Variants in STK17A observed in about 807,000 individuals in gnomAD.
STK17A encodes the protein serine/threonine-protein kinase 17A.
STK17A carries 26 observed loss-of-function variants against 43.7 expected under a neutral mutation model. That is an observed-to-expected ratio of 0.60 (90% CI 0.44 to 0.83). The LOEUF (loss-of-function observed/expected upper bound fraction) is 0.83. Ranked by LOEUF, STK17A falls within the 40% of genes least tolerant of loss-of-function variation. The pLI, the probability that STK17A is intolerant of heterozygous loss-of-function variation, is 0.00. For synonymous variants in STK17A, 191 were observed against 182.5 expected, an observed-to-expected ratio of 1.05 and a Z score of -0.38; for missense variants, 476 against 511.6, an observed-to-expected ratio of 0.93 and a Z score of 0.67.
At chr7:43,587,073 A>T (rs541253472) in intron 1 of STK17A, among the ~76,000 whole-genome samples, 1 of 151,480 alleles carries the variant, frequency 6.6e-6, no homozygotes, top group Non-Finnish European at 1.5e-5. Context: ...ATGTTTTTCA[A>T]AGAATAATTT....
chr7:43,604,037 G>A (rs1250807727), intron 2 of STK17A, among the ~76,000 whole-genome samples: 1 of 152,142 alleles, frequency 6.6e-6, no homozygotes, highest in Non-Finnish European at 1.5e-5. Context: ...CAATGTTGAT[G>A]ATTTACTAGG....
chr7:43,613,802 C>T (rs146561092), intron 3 of STK17A, among the ~76,000 whole-genome samples: 177 of 152,304 alleles, frequency 1.2e-3, no homozygotes, highest in African/African-American at 4.2e-3. Context: ...TATGATTGCA[C>T]CCTGCATTCC....
At position 43,623,752 on chromosome 7, in the gene STK17A, CCTTT is replaced by C. The variant is rs752136298; in HGVS notation, c.788_791del (p.Phe263Ter). 5 of 1,606,512 alleles carry C rather than the reference CCTTT, an allele frequency of 3.1e-6. No homozygotes were observed. Among genetic ancestry groups the C allele is most frequent in the Admixed American group, 1.7e-5 (1 of 58,632 alleles). ...ATATGTCATGCTTACAGGAATATCA[CCTTT>C]CTTAGGCAATGATAAACAAGAAACA... On this transcript the variant is annotated frameshift_variant, in exon 6 of 7. Transcript: ENST00000319357. LOFTEE classifies it high-confidence loss of function.
At chr7:43,604,469 T>C (rs1351222301) in intron 2 of STK17A, among the ~76,000 whole-genome samples, 1 of 152,154 alleles carries the variant, frequency 6.6e-6, no homozygotes, top group East Asian at 1.9e-4. Flanking sequence ...CTCATCTCCT[T>C]CTAGTCCTTT....
intron 1 of STK17A, among the ~76,000 whole-genome samples, chr7:43,593,974 A>G (rs1322008314): frequency 6.6e-6 from 1 of 152,190 alleles, no homozygotes; most frequent in Non-Finnish European, 1.5e-5. Flanking sequence ...TTAACAATCA[A>G]TCTTAGGTTG....
chr7:43,602,244 C>G (rs2082560974), intron 2 of STK17A, among the ~76,000 whole-genome samples: 1 of 152,120 alleles, frequency 6.6e-6, no homozygotes, highest in East Asian at 1.9e-4. Context: ...TGGTTCTTTT[C>G]CCTTTGTTTT....
chr7:43,616,957 A>G (rs1300792058), intron 3 of STK17A, among the ~76,000 whole-genome samples: 1 of 152,202 alleles, frequency 6.6e-6, no homozygotes, highest in East Asian at 1.9e-4. Flanking sequence ...CCTCTCATCT[A>G]TGGAAATTGT....
chr7:43,589,477 T>C (rs1475204134), intron 1 of STK17A, among the ~76,000 whole-genome samples: 1 of 151,450 alleles, frequency 6.6e-6, no homozygotes, highest in African/African-American at 2.4e-5. Context: ...CTATTATCTC[T>C]TCACCTTTGC....
chr7:43,624,761 AATGG>A lies in STK17A; in HGVS notation c.1166_1169del (p.Met389SerfsTer89). On this transcript the variant is annotated frameshift_variant, in exon 7 of 7. Transcript: ENST00000319357. LOFTEE classifies it high-confidence loss of function. ...AATGCAGACAGTCTGAAAAAGAGAA[AATGG>A]AGCAAAAGGCCATTTCCAAACGATT... The A allele has an allele frequency of 6.2e-7, 1 of 1,613,614 alleles. No homozygotes were observed. Among genetic ancestry groups the A allele is most frequent in the South Asian group, 1.1e-5 (1 of 90,978 alleles).
At chr7:43,600,563 T>A (rs150595133) in intron 2 of STK17A, among the ~76,000 whole-genome samples, 49 of 152,350 alleles carry the variant, frequency 3.2e-4, no homozygotes, top group African/African-American at 1.1e-3. Context: ...AATATTTTTA[T>A]TTTTATAATG....
chr7:43,586,117 G>A (rs1233589098), intron 1 of STK17A, among the ~76,000 whole-genome samples: 3 of 151,434 alleles, frequency 2.0e-5, no homozygotes, highest in African/African-American at 4.8e-5. Flanking sequence ...TTAATCTCAC[G>A]CTGATAAAGA....
intron 1 of STK17A, among the ~76,000 whole-genome samples, chr7:43,585,621 G>T (rs1312413175): frequency 6.6e-6 from 1 of 151,484 alleles, no homozygotes; most frequent in African/African-American, 2.4e-5. Flanking sequence ...TCGCATAGGA[G>T]TTTAATGCAG....
chr7:43,596,116 A>G lies in STK17A; in HGVS notation c.419+3A>G, dbSNP rs753156179. ...GAAATGATCTTAGTTCTGGAATAGTAAGTATTGTCTTTCTTAGATTAAGTT... is the reference window on the plus strand; with the variant it reads ...GAAATGATCTTAGTTCTGGAATAGTGAGTATTGTCTTTCTTAGATTAAGTT... On this transcript the variant is annotated splice_donor_region_variant and intron_variant, in intron 2 of 6. Coordinates refer to ENST00000319357, the MANE Select transcript of STK17A (RefSeq NM_004760.3). 1.9e-5 allele frequency: 30 copies of G among 1,605,004 alleles called. No individual in the cohort carries two copies. The highest frequency in any genetic ancestry group is 2.2e-5 in the Non-Finnish European group (26 of 1,174,866).
At chr7:43,612,741 A>G (rs890003241) in intron 3 of STK17A, among the ~76,000 whole-genome samples, 1 of 151,392 alleles carries the variant, frequency 6.6e-6, no homozygotes, top group Admixed American at 6.6e-5. Flanking sequence ...TGAATGATCA[A>G]TTTGCCAAAA....
At chr7:43,623,388 CA>C (rs1482414905) in intron 4 of STK17A, 183 bp from the exon 5 acceptor site, 1 of 568,640 alleles carries the variant, frequency 1.8e-6, no homozygotes, top group African/African-American at 1.9e-5. Context: ...GAAAAGTAAA[CA>C]AGTTAATTAC....
At position 43,608,281 on chromosome 7, in the gene STK17A, C is replaced by T; in HGVS notation, c.445C>T (p.Gln149Ter). 2 of 1,613,134 alleles carry T rather than the reference C, an allele frequency of 1.2e-6. No individual in the cohort carries two copies. The highest frequency in any genetic ancestry group is 1.7e-5 in the Admixed American group (1 of 59,814). ...TGCTGCTGGGGGTGAAATCTTTGAC[C>T]AGTGTGTTGCAGACAGAGAAGAAGC... The part of the protein sequence containing the change: ...EYAAGGEIFD[Q>*]CVADREEAFK... Residue 149 changes from glutamine to a stop codon, truncating the protein, a stop_gained, in exon 3 of 7, where the codon CAG (glutamine) becomes TAG (stop). Coordinates refer to ENST00000319357, the MANE Select transcript of STK17A (RefSeq NM_004760.3). LOFTEE classifies it high-confidence loss of function.
rs2082414886 is a variant in STK17A at position 43,583,414 on chromosome 7, C to T, written c.171C>T (p.Asp57=). 7.1e-7 allele frequency: 1 copy of T among 1,415,192 alleles called. No homozygotes were observed. The highest frequency in any genetic ancestry group is 9.2e-7 in the Non-Finnish European group (1 of 1,082,938). The allele number at this position is 1,415,192 out of a possible 1,614,324, so 87.7% of individuals were successfully genotyped here. A position where few individuals can be genotyped will look rare whatever the true frequency, so the allele number is the denominator to read the frequency against. Residue 57 remains aspartate, a synonymous_variant, in exon 1 of 7, where the codon GAC becomes GAT. Transcript: ENST00000319357. ...RAVVRTEPFQ[D]GYSLCPGREL... is the part of the protein sequence containing the mutation. ...TGGTGCGCACCGAGCCCTTCCAGGA[C>T]GGCTACAGCCTGTGCCCGGGCCGGG...
chr7:43,594,250 C>T (rs1039258091), intron 1 of STK17A, among the ~76,000 whole-genome samples: 9 of 131,784 alleles, frequency 6.8e-5, no homozygotes, highest in African/African-American at 2.7e-4. Flanking sequence ...AGAGTGAGAC[C>T]CTGTCTCTTA....
intron 1 of STK17A, among the ~76,000 whole-genome samples, chr7:43,587,397 TCAG>T (rs1447014675): frequency 6.6e-6 from 1 of 151,362 alleles, no homozygotes; most frequent in African/African-American, 2.4e-5. Flanking sequence ...TGACCAAGCT[TCAG>T]TGTCATATAG....
Sources: allele counts gnomAD v4.1 joint callset (sites outside exome capture counted in the v4.1 genomes callset), GRCh38; gene constraint gnomAD v4.1.1; transcripts MANE v1.5; gene names NCBI Gene and HGNC (gene_info 2026-07-23, HGNC 2026-07-21).